DGKD: variants seen among roughly 807,000 people sequenced by gnomAD.
The protein encoded by DGKD is diacylglycerol kinase delta, also known as DAG kinase delta.
DGKD carries 68 observed loss-of-function variants against 154.4 expected under a neutral mutation model. The ratio of observed to expected loss-of-function variants is 0.44; its 90% CI spans 0.36 to 0.54. The LOEUF (loss-of-function observed/expected upper bound fraction) is 0.54. Among genes scored for constraint, DGKD ranks in the 20% least tolerant of loss-of-function variants. The pLI, the probability that DGKD is intolerant of heterozygous loss-of-function variation, is 0.00. For synonymous variants in DGKD, 693 were observed against 638.0 expected (o/e 1.09, Z -1.30); for missense variants, 1,343 against 1,593.6 (o/e 0.84, Z 2.68).
At chr2:233,406,602 C>A (rs1335715667) in intron 3 of DGKD, among the ~76,000 whole-genome samples, 1 of 152,164 alleles carries the variant, frequency 6.6e-6, no homozygotes, top group Non-Finnish European at 1.5e-5. Flanking sequence ...TTCATGGCCC[C>A]CTCAAAGCGG....
In DGKD at chr2:233,447,793, G is replaced by T. The variant is rs564633662; in HGVS notation, c.1420-294G>T. On this transcript the variant is annotated intron_variant, in intron 12 of 29. Transcript: ENST00000264057. ...CATGCCGCTGTCAGGATGAGTAGGG[G>T]TCAGGACGGAAGCTCCTAGCACAGG... The T allele has an allele frequency of 1.3e-5, 15 of 1,189,166 alleles. No individual in the cohort carries two copies. The East Asian group carries it at 8.2e-4, about 65-fold the overall frequency. The allele number at this position is 1,189,166 out of a possible 1,614,324, so 73.7% of individuals were successfully genotyped here. A position where few individuals can be genotyped will look rare whatever the true frequency, so the allele number is the denominator to read the frequency against.
chr2:233,390,395 C>A lies in DGKD; in HGVS notation c.268-8C>A. On this transcript the variant is annotated splice_region_variant and splice_polypyrimidine_tract_variant and intron_variant, in intron 2 of 29. Transcript: ENST00000264057. ...TGTGCCTTAGTCCCTGTGTTTGTCT[C>A]TTTCTAGTCAATCATATTTGATGAG... The A allele has an allele frequency of 6.2e-7, 1 of 1,613,192 alleles. No homozygotes were observed. The highest frequency in any genetic ancestry group is 2.2e-5 in the East Asian group (1 of 44,860).
At chr2:233,422,694 C>A (rs920579776) in intron 3 of DGKD, among the ~76,000 whole-genome samples, 1 of 152,194 alleles carries the variant, frequency 6.6e-6, no homozygotes, top group African/African-American at 2.4e-5. Context: ...TCTGGAGTTA[C>A]TCCTTGGTTT....
intron 1 of DGKD, among the ~76,000 whole-genome samples, chr2:233,365,904 G>A (rs73995920): frequency 0.033 from 5,016 of 152,218 alleles, 265 homozygotes; most frequent in African/African-American, 0.11. Flanking sequence ...CTTAAAATAC[G>A]TATATTAGAA....
At chr2:233,406,895 T>C (rs1002351124) in intron 3 of DGKD, among the ~76,000 whole-genome samples, 2 of 152,236 alleles carry the variant, frequency 1.3e-5, no homozygotes, top group Non-Finnish European at 2.9e-5. Context: ...AACCATGTTA[T>C]GCAGAGAGAA....
rs1231004243 is a variant in DGKD, at chr2:233,464,091, C to G, written c.3187-73C>G. ...CAGAGCAGAGCCCTGGAGCGGACCT[C>G]ACCCCCCTGGGCCTCGCGCTGATCA... is the stretch of plus-strand genomic sequence containing the variant. On this transcript the variant is annotated intron_variant, in intron 26 of 29. Coordinates refer to ENST00000264057, the MANE Select transcript of DGKD (RefSeq NM_152879.3). The G allele has an allele frequency of 5.0e-6, 8 of 1,594,038 alleles. No individual in the cohort carries two copies. The East Asian group carries it at 1.4e-4, about 27-fold the overall frequency.
At chr2:233,404,394 A>G (rs764798761) in intron 3 of DGKD, among the ~76,000 whole-genome samples, 2 of 152,182 alleles carry the variant, frequency 1.3e-5, no homozygotes, top group Non-Finnish European at 2.9e-5. Flanking sequence ...TCTCCCCTGC[A>G]GAGCAGCTTC....
At chr2:233,454,691 T>C in intron 18 of DGKD, 72 bp from the exon 19 acceptor site, 1 of 868,950 alleles carries the variant, frequency 1.2e-6, no homozygotes, top group East Asian at 2.4e-5. Flanking sequence ...AGAGAAATGC[T>C]GAGAGGTTGG....
chr2:233,388,586 T>C (rs1002557623), intron 2 of DGKD: 4 of 437,984 alleles, frequency 9.1e-6, no homozygotes, highest in Non-Finnish European at 1.6e-5. Context: ...TTTTCTTTAA[T>C]GTCATCGGTA....
In DGKD at chr2:233,398,304, A is replaced by G. The variant is rs891949128; in HGVS notation, c.348+7821A>G. On this transcript the variant is annotated intron_variant, in intron 3 of 29. Transcript: ENST00000264057. ...AGTACAGGTGCCGCCACCACGCCCG[A>G]CTAATTTTTTTTTTGTATTTTTAGT... Among the ~76,000 whole-genome samples the G allele has an allele frequency of 5.9e-4, 88 of 150,298 alleles. 1 individual carries two copies. Among genetic ancestry groups the G allele is most frequent in the African/African-American group, 4.2e-4 (17 of 40,888 alleles).
chr2:233,372,947 A>G (rs940431654), intron 1 of DGKD, among the ~76,000 whole-genome samples: 3 of 152,234 alleles, frequency 2.0e-5, no homozygotes, highest in Non-Finnish European at 4.4e-5. Flanking sequence ...AAGCCACCCC[A>G]GTGTCCAAGT....
chr2:233,400,700 G>A (rs748919670), intron 3 of DGKD, among the ~76,000 whole-genome samples: 1 of 152,160 alleles, frequency 6.6e-6, no homozygotes, highest in African/African-American at 2.4e-5. Context: ...CTCTCGGGTA[G>A]CCCTGGTCAC....
intron 3 of DGKD, among the ~76,000 whole-genome samples, chr2:233,406,750 A>G (rs1342334031): frequency 6.6e-6 from 1 of 152,196 alleles, no homozygotes; most frequent in African/African-American, 2.4e-5. Context: ...GGCACAGAAC[A>G]GACGAGGAGC....
In DGKD at chr2:233,436,323, T is replaced by C; in HGVS notation, c.701T>C (p.Met234Thr). The C allele has an allele frequency of 6.2e-7, 1 of 1,614,192 alleles. No individual in the cohort carries two copies. ...DIIEDADGIA[M>T]PHQWLEGNLP... is the part of the protein sequence containing the mutation. ...GCCTCTGTTTGGTTGCAGATTGCAATGCCCCACCAGTGGTTGGAAGGAAAC... is the reference window on the plus strand; with the variant it reads ...GCCTCTGTTTGGTTGCAGATTGCAACGCCCCACCAGTGGTTGGAAGGAAAC... Residue 234 changes from methionine (M) to threonine (T), a missense_variant, in exon 7 of 30, where the codon ATG (methionine) becomes ACG (threonine). By Grantham distance (81) the Met-to-Thr change is moderately conservative. Around this residue, in one of 6 missense-constraint regions of DGKD, gnomAD observed 332 missense variants for 400.1 expected, o/e 0.83. Transcript: ENST00000264057.
intron 27 of DGKD, 44 bp from the exon 28 acceptor site, chr2:233,467,042 T>TC: frequency 6.7e-7 from 1 of 1,486,144 alleles, no homozygotes; most frequent in Non-Finnish European, 9.4e-7. Context: ...GAGGCCGTGA[T>TC]CAGTTGCAGC....
chr2:233,469,008 G>A (rs866414031), intron 29 of DGKD, among the ~76,000 whole-genome samples: 5 of 152,194 alleles, frequency 3.3e-5, no homozygotes, highest in African/African-American at 7.2e-5. Flanking sequence ...TGGCCTCAAC[G>A]GGCCAACCCC....
At chr2:233,391,530 G>A (rs190424067) in intron 3 of DGKD, among the ~76,000 whole-genome samples, 5 of 152,118 alleles carry the variant, frequency 3.3e-5, no homozygotes, top group East Asian at 1.9e-4. Context: ...TAGGCTTTAC[G>A]GGCTGACTTT....
In DGKD at chr2:233,434,501, C is replaced by A. The variant is rs930624260; in HGVS notation, c.453+17C>A. On this transcript the variant is annotated intron_variant, in intron 4 of 29. Transcript: ENST00000264057. Reference sequence around the variant, plus strand: ...CACTTTGAGGTTAAAAAAGAAAATACCCTTCTCCAAATGCCTCCTGTTGCC... The same window carrying A: ...CACTTTGAGGTTAAAAAAGAAAATAACCTTCTCCAAATGCCTCCTGTTGCC... 12 of 1,608,526 alleles carry A rather than the reference C, an allele frequency of 7.5e-6. No individual in the cohort carries two copies. Among genetic ancestry groups the A allele is most frequent in the Middle Eastern group, 1.7e-4 (1 of 6,050 alleles).
intron 3 of DGKD, among the ~76,000 whole-genome samples, chr2:233,391,862 T>C (rs1044742447): frequency 6.6e-6 from 1 of 152,212 alleles, no homozygotes; most frequent in African/African-American, 2.4e-5. Context: ...ACTGCTCTTA[T>C]TTTACTTGGA....
Sources: gnomAD v4.1 joint callset for allele counts (sites outside exome capture counted in the v4.1 genomes callset) on GRCh38, gnomAD v4.1.1 for gene constraint, gnomAD v4.1.1 regional missense constraint, MANE v1.5 for transcripts, NCBI Gene and HGNC (gene_info 2026-07-23, HGNC 2026-07-21) for gene names.